TRIM2: variants seen among roughly 807,000 people sequenced by gnomAD.
TRIM2 encodes the protein tripartite motif containing 2.
TRIM2 carries 20 observed loss-of-function variants against 75.2 expected under a neutral mutation model. The observed-to-expected ratio is 0.27, with a 90% CI of 0.19 to 0.39. The LOEUF (loss-of-function observed/expected upper bound fraction) is 0.39. Ranked by LOEUF, TRIM2 falls within the 10% of genes least tolerant of loss-of-function variation. The probability of loss-of-function intolerance (pLI) is 1.00; values close to 1 mark genes in which losing one functional copy is unlikely to be tolerated. For missense variants in TRIM2, 660 were observed against 990.8 expected, an observed-to-expected ratio of 0.67 and a Z score of 4.48; for synonymous variants, 373 against 388.3, an observed-to-expected ratio of 0.96 and a Z score of 0.46.
At position 153,178,249 on chromosome 4, in the gene TRIM2, G is replaced by A. The variant is rs113754241; in HGVS notation, c.-49+24979G>A. ...CAGCTCGGTTAGCACAGGGGCTGAT[G>A]TGCAGGCTGTAGGTTCCGTAACCTC... On this transcript the variant is annotated intron_variant, in intron 1 of 11. Coordinates refer to the TRIM2 transcript ENST00000437508. Among the ~76,000 whole-genome samples the A allele has an allele frequency of 7.2e-3, 1,090 of 152,164 alleles. 17 individuals are homozygous for A. Among genetic ancestry groups the A allele is most frequent in the African/African-American group, 0.025 (1,025 of 41,506 alleles).
At position 153,214,571 on chromosome 4, in the gene TRIM2, C is replaced by T. The variant is rs991457733; in HGVS notation, c.30+10011C>T. Reference sequence around the variant, plus strand: ...ATTTTTGTCCAAAGCAGCCTCTCAGCGTTCCACATCATTTTCATCATTATG... The same window carrying T: ...ATTTTTGTCCAAAGCAGCCTCTCAGTGTTCCACATCATTTTCATCATTATG... On this transcript the variant is annotated intron_variant, in intron 1 of 11. Transcript: ENST00000338700. 5.3e-5 allele frequency among the ~76,000 whole-genome samples: 8 copies of T among 152,182 alleles called. No homozygotes were observed. The East Asian group carries it at 9.6e-4, about 18-fold the overall frequency.
At chr4:153,174,958 C>T (rs1245976373) in intron 1 of TRIM2, among the ~76,000 whole-genome samples, 1 of 152,122 alleles carries the variant, frequency 6.6e-6, no homozygotes, top group African/African-American at 2.4e-5. Context: ...CAAGTTCCCA[C>T]ATCTTTGTCA....
At chr4:153,160,395 G>A (rs1729631969) in intron 1 of TRIM2, among the ~76,000 whole-genome samples, 1 of 152,158 alleles carries the variant, frequency 6.6e-6, no homozygotes, top group African/African-American at 2.4e-5. Context: ...TTCTCCAAAG[G>A]AAACAAATAA....
chr4:153,268,663 G>A (rs1339341706), intron 1 of TRIM2, among the ~76,000 whole-genome samples: 3 of 152,234 alleles, frequency 2.0e-5, no homozygotes, highest in Non-Finnish European at 4.4e-5. Flanking sequence ...CTTGGTTTAT[G>A]CCTTCGGTGT....
chr4:153,271,294 AT>A (rs1756613836), intron 2 of TRIM2, among the ~76,000 whole-genome samples: 1 of 152,170 alleles, frequency 6.6e-6, no homozygotes, highest in Non-Finnish European at 1.5e-5. Context: ...TGTTAAGTAC[AT>A]TTTTATCATT....
Position 153,319,686 on chromosome 4 carries a change from C to T in TRIM2, c.1783-2962C>T, listed in dbSNP as rs183236016. 2.2e-4 allele frequency among the ~76,000 whole-genome samples: 33 copies of T among 151,916 alleles called. No homozygotes were observed. The East Asian group carries it at 4.3e-3, about 20-fold the overall frequency. The stretch of plus-strand genomic sequence containing the variant: ...CAGAGGTTGCAATGAGCTGAGATTG[C>T]GCCATTGCACTCCAGCCTGGGCAAC... On this transcript the variant is annotated intron_variant, in intron 8 of 11. Transcript: ENST00000338700.
intron 11 of TRIM2, among the ~76,000 whole-genome samples, chr4:153,332,274 C>T (rs1771633675): frequency 6.6e-6 from 1 of 152,142 alleles, no homozygotes; most frequent in South Asian, 2.1e-4. Flanking sequence ...GAATTTCTGA[C>T]AAAGGAATTA....
chr4:153,332,399 C>T (rs1561030550), intron 11 of TRIM2, among the ~76,000 whole-genome samples: 2 of 152,178 alleles, frequency 1.3e-5, no homozygotes, highest in South Asian at 4.1e-4. Flanking sequence ...AATCCCAGCA[C>T]TTTGGGAGGC....
chr4:153,161,584 G>A (rs546270514), intron 1 of TRIM2, among the ~76,000 whole-genome samples: 7 of 152,186 alleles, frequency 4.6e-5, no homozygotes, highest in Non-Finnish European at 7.3e-5. Context: ...GAATCCTTGG[G>A]AATATTCTGC....
chr4:153,255,425 TG>T (rs1267320991), intron 1 of TRIM2, among the ~76,000 whole-genome samples: 1 of 152,068 alleles, frequency 6.6e-6, no homozygotes, highest in African/African-American at 2.4e-5. Flanking sequence ...AAGAATGTGC[TG>T]GGGGGCGGGG....
intron 6 of TRIM2, among the ~76,000 whole-genome samples, chr4:153,304,409 C>G (rs576000560): frequency 6.6e-6 from 1 of 152,002 alleles, no homozygotes; most frequent in Non-Finnish European, 1.5e-5. Context: ...CCACCATGCC[C>G]GGCCCCTTGA....
intron 1 of TRIM2, among the ~76,000 whole-genome samples, chr4:153,155,507 GT>G (rs1314771449): frequency 1.3e-5 from 2 of 152,174 alleles, no homozygotes; most frequent in African/African-American, 4.8e-5. Flanking sequence ...GGGAGAGAAG[GT>G]GGAGTGGCGA....
At chr4:153,171,347 A>G (rs113103149) in intron 1 of TRIM2, among the ~76,000 whole-genome samples, 302 of 152,336 alleles carry the variant, frequency 2.0e-3, no homozygotes, top group African/African-American at 7.1e-3. Context: ...GCAATCTGGG[A>G]GGCTGAGGCA....
intron 1 of TRIM2, among the ~76,000 whole-genome samples, chr4:153,245,591 T>C (rs1748917534): frequency 6.6e-6 from 1 of 152,236 alleles, no homozygotes; most frequent in South Asian, 2.1e-4. Context: ...CATGAGAAAA[T>C]TATTTCAAGT....
At chr4:153,236,932 A>C (rs1343941983) in intron 1 of TRIM2, among the ~76,000 whole-genome samples, 1 of 152,156 alleles carries the variant, frequency 6.6e-6, no homozygotes, top group Non-Finnish European at 1.5e-5. Flanking sequence ...AGGCTTAAGC[A>C]ATCCTCCTGC....
chr4:153,323,983 CTAAGT>C, intron 9 of TRIM2, 90 bp from the exon 10 acceptor site: 2 of 953,868 alleles, frequency 2.1e-6, no homozygotes, highest in South Asian at 3.0e-5. Context: ...TCTTAAATAA[CTAAGT>C]TAATATATTA....
intron 1 of TRIM2, among the ~76,000 whole-genome samples, chr4:153,157,474 G>A (rs1203404415): frequency 2.0e-5 from 3 of 152,192 alleles, no homozygotes; most frequent in Non-Finnish European, 4.4e-5. Flanking sequence ...AGATCCAGCT[G>A]TTTGGTTGGA....
chr4:153,315,356 CT>C (rs1767363844), intron 6 of TRIM2, 128 bp from the exon 7 acceptor site: 9 of 700,722 alleles, frequency 1.3e-5, no homozygotes, highest in Admixed American at 6.8e-5. Flanking sequence ...GGAGGGTGCC[CT>C]TTTTTTAAAG....
At chr4:153,174,069 C>T (rs555085763) in intron 1 of TRIM2, among the ~76,000 whole-genome samples, 3 of 151,794 alleles carry the variant, frequency 2.0e-5, no homozygotes, top group East Asian at 2.0e-4. Context: ...CCCAGGCCCC[C>T]GGGTGGGAAT....
Sources: gnomAD v4.1 joint callset for allele counts (sites outside exome capture counted in the v4.1 genomes callset) on GRCh38, gnomAD v4.1.1 for gene constraint, MANE v1.5 for transcripts, NCBI Gene and HGNC (gene_info 2026-07-23, HGNC 2026-07-21) for gene names.